ZNF385D: variants seen among roughly 807,000 people sequenced by gnomAD.
The protein encoded by ZNF385D is zinc finger protein 385D, also known as zinc finger protein 659.
In ZNF385D, 15 loss-of-function variants were observed where a neutral mutation model predicts 35.8. The observed-to-expected ratio is 0.42, with a 90% CI of 0.28 to 0.64. The LOEUF (loss-of-function observed/expected upper bound fraction) is 0.64, where lower values mean the gene tolerates loss of function less well. ZNF385D is among the 30% of genes least tolerant of loss of function. The pLI is 0.23. For missense variants in ZNF385D, 474 were observed against 494.6 expected, an observed-to-expected ratio of 0.96 and a Z score of 0.39; for synonymous variants, 212 against 186.8, an observed-to-expected ratio of 1.13 and a Z score of -1.10.
chr3:21,865,201 G>A (rs1345145350), intron 3 of ZNF385D, among the ~76,000 whole-genome samples: 1 of 151,490 alleles, frequency 6.6e-6, no homozygotes, highest in Non-Finnish European at 1.5e-5. Context: ...TATTTGCTAT[G>A]CATTATGGGC....
intron 3 of ZNF385D, among the ~76,000 whole-genome samples, chr3:22,102,599 G>A (rs1701996252): frequency 2.0e-5 from 3 of 151,966 alleles, no homozygotes. Context: ...GCCAAATGAG[G>A]CATAGGCAGA....
chr3:22,149,683 A>T (rs1235568446), intron 3 of ZNF385D, among the ~76,000 whole-genome samples: 1 of 152,148 alleles, frequency 6.6e-6, no homozygotes, highest in Non-Finnish European at 1.5e-5. Flanking sequence ...CTCTTTTAAA[A>T]CAATTTACTG....
chr3:21,759,240 T>G (rs2070492438), intron 3 of ZNF385D, among the ~76,000 whole-genome samples: 1 of 152,048 alleles, frequency 6.6e-6, no homozygotes, highest in Admixed American at 6.6e-5. Flanking sequence ...CTACAGGTGG[T>G]GGAACTTAAG....
chr3:22,179,766 C>G (rs577908457), intron 2 of ZNF385D, among the ~76,000 whole-genome samples: 20 of 152,258 alleles, frequency 1.3e-4, no homozygotes, highest in African/African-American at 4.3e-4. Context: ...ATACCAGAAT[C>G]TCTGGGACAC....
intron 3 of ZNF385D, among the ~76,000 whole-genome samples, chr3:21,885,777 TAGAA>T (rs1408084882): frequency 3.4e-5 from 5 of 145,484 alleles, no homozygotes; most frequent in Non-Finnish European, 1.5e-5. Context: ...TGTGTGTGTG[TAGAA>T]AGAAAGAGAG....
At chr3:22,358,443 C>T (rs186490001) in intron 2 of ZNF385D, among the ~76,000 whole-genome samples, 4 of 151,884 alleles carry the variant, frequency 2.6e-5, no homozygotes, top group African/African-American at 9.6e-5. Context: ...ATTCAAGTAG[C>T]AGCTTGAAGA....
chr3:22,359,079 A>AC (rs201332390), intron 2 of ZNF385D, among the ~76,000 whole-genome samples: 1,394 of 133,160 alleles, frequency 0.01, 23 homozygotes, highest in African/African-American at 0.04. Flanking sequence ...AAAACCAAAA[A>AC]AAAAAACAAA....
chr3:21,444,412 C>T (rs1333150998), intron 4 of ZNF385D, among the ~76,000 whole-genome samples: 22 of 136,800 alleles, frequency 1.6e-4, no homozygotes, highest in Admixed American at 1.5e-3. Context: ...TGAGATGGAG[C>T]CTCACTCTGT....
At chr3:21,859,671 G>C (rs1395308948) in intron 3 of ZNF385D, among the ~76,000 whole-genome samples, 1 of 61,920 alleles carries the variant, frequency 1.6e-5, no homozygotes. Flanking sequence ...GACTCCAAAG[G>C]CATTTTTTTT....
chr3:21,645,190 T>C lies in ZNF385D; in HGVS notation c.165+19696A>G, dbSNP rs188524153. The stretch of plus-strand genomic sequence containing the variant: ...TTTTGCCCACTGGCAGTACCGGAAT[T>C]GGCAAAGCTGTACTTTCAAATTCAC... On this transcript the variant is annotated intron_variant, in intron 2 of 7. Transcript: ENST00000281523. 1.8e-4 allele frequency among the ~76,000 whole-genome samples: 28 copies of C among 152,312 alleles called. 2 individuals are homozygous for C. The East Asian group carries it at 5.2e-3, about 28-fold the overall frequency.
chr3:21,495,635 A>G (rs1164259848), intron 4 of ZNF385D, among the ~76,000 whole-genome samples: 2 of 152,162 alleles, frequency 1.3e-5, no homozygotes, highest in East Asian at 1.9e-4. Flanking sequence ...TCACAATTAG[A>G]GAAACTGGAG....
chr3:22,074,324 C>A (rs1487761932), intron 3 of ZNF385D, among the ~76,000 whole-genome samples: 1 of 151,946 alleles, frequency 6.6e-6, no homozygotes, highest in Non-Finnish European at 1.5e-5. Context: ...CATAAACAGC[C>A]TTTGATGTGT....
intron 3 of ZNF385D, among the ~76,000 whole-genome samples, chr3:22,061,941 A>G (rs1049229051): frequency 3.9e-5 from 6 of 152,250 alleles, no homozygotes; most frequent in African/African-American, 1.4e-4. Flanking sequence ...CCCAGCACCT[A>G]AAACAGTATT....
intron 1 of ZNF385D, among the ~76,000 whole-genome samples, chr3:21,734,353 AT>A (rs1391974595): frequency 7.7e-6 from 1 of 129,774 alleles, no homozygotes. Context: ...TTTTGTAAAG[AT>A]TTTTTTTGTT....
chr3:22,081,678 T>C (rs1202792426), intron 3 of ZNF385D, among the ~76,000 whole-genome samples: 1 of 152,154 alleles, frequency 6.6e-6, no homozygotes, highest in African/African-American at 2.4e-5. Context: ...AGTCAAAATT[T>C]GATGGAACAT....
chr3:21,674,939 G>C (rs530199856), intron 1 of ZNF385D, among the ~76,000 whole-genome samples: 2 of 147,290 alleles, frequency 1.4e-5, no homozygotes, highest in South Asian at 4.3e-4. Context: ...TGGATGCATG[G>C]ATGGATGGAT....
At chr3:22,235,546 G>A (rs1365150795) in intron 2 of ZNF385D, among the ~76,000 whole-genome samples, 4 of 152,046 alleles carry the variant, frequency 2.6e-5, no homozygotes, top group African/African-American at 7.2e-5. Flanking sequence ...CAACTCTTAT[G>A]CTAAACAGTG....
At chr3:21,452,611 T>C (rs778704508) in intron 4 of ZNF385D, among the ~76,000 whole-genome samples, 1 of 151,932 alleles carries the variant, frequency 6.6e-6, no homozygotes, top group Non-Finnish European at 1.5e-5. Flanking sequence ...TCCCTTACAA[T>C]TGCATGAAAA....
At chr3:21,640,188 T>C (rs2065562096) in intron 2 of ZNF385D, among the ~76,000 whole-genome samples, 2 of 152,098 alleles carry the variant, frequency 1.3e-5, no homozygotes, top group African/African-American at 4.8e-5. Context: ...ACTGGTCCTC[T>C]CAAGCTTTCT....
Sources: allele counts gnomAD v4.1 joint callset (sites outside exome capture counted in the v4.1 genomes callset), GRCh38; gene constraint gnomAD v4.1.1; transcripts MANE v1.5; gene names NCBI Gene and HGNC (gene_info 2026-07-23, HGNC 2026-07-21).